The following NOL4L variants were observed in gnomAD, a reference collection of about 807,000 sequenced individuals.
NOL4L encodes the protein nucleolar protein 4 like, also known as nucleolar protein 4-like.
Under a neutral mutation model 64.5 loss-of-function variants are expected in NOL4L, and 7 were observed. The observed-to-expected ratio is 0.11, with a 90% CI of 0.06 to 0.20. The LOEUF is 0.20. Ranked by LOEUF, NOL4L falls within the 10% of genes least tolerant of loss-of-function variation. NOL4L has a pLI of 1.00. For synonymous variants in NOL4L, 413 were observed against 401.0 expected, an observed-to-expected ratio of 1.03 and a Z score of -0.36; for missense variants, 680 against 967.1, an observed-to-expected ratio of 0.70 and a Z score of 3.94.
chr20:32,483,443 A>AGCT (rs911879376), intron 4 of NOL4L: 369 of 990,496 alleles, frequency 3.7e-4, no homozygotes, highest in Admixed American at 9.8e-4. Context: ...CCACAGCTCC[A>AGCT]GCTGCTGCTG....
At chr20:32,472,347 G>A (rs1222496238) in intron 5 of NOL4L, among the ~76,000 whole-genome samples, 3 of 152,224 alleles carry the variant, frequency 2.0e-5, no homozygotes, top group Non-Finnish European at 4.4e-5. Context: ...GAAGGCCAGA[G>A]CCCACACACC....
At chr20:32,466,259 C>T (rs550543619) in intron 5 of NOL4L, among the ~76,000 whole-genome samples, 1 of 152,290 alleles carries the variant, frequency 6.6e-6, no homozygotes, top group Non-Finnish European at 1.5e-5. Context: ...TGAGCCACCA[C>T]GCCTGGTTCA....
At chr20:32,545,657 G>T (rs529140213) in intron 1 of NOL4L, among the ~76,000 whole-genome samples, 1 of 152,106 alleles carries the variant, frequency 6.6e-6, no homozygotes, top group Non-Finnish European at 1.5e-5. Context: ...AGGCATCCTT[G>T]ACTGCTCACT....
chr20:32,510,957 A>C (rs914447324), intron 4 of NOL4L, among the ~76,000 whole-genome samples: 1 of 152,090 alleles, frequency 6.6e-6, no homozygotes, highest in Non-Finnish European at 1.5e-5. Context: ...GACAGAGGCC[A>C]CAGGCAGGCG....
intron 2 of NOL4L, among the ~76,000 whole-genome samples, chr20:32,521,519 C>A (rs1011748947): frequency 3.3e-5 from 5 of 152,150 alleles, no homozygotes; most frequent in Admixed American, 6.5e-5. Context: ...TCCCCAAGGT[C>A]ACAAGGAATT....
At chr20:32,500,316 T>G (rs964432078) in intron 4 of NOL4L, among the ~76,000 whole-genome samples, 14 of 151,812 alleles carry the variant, frequency 9.2e-5, no homozygotes, top group African/African-American at 3.4e-4. Context: ...TCCCAAAGTG[T>G]TGGGATAATG....
chr20:32,472,475 C>T (rs762776783), intron 5 of NOL4L, among the ~76,000 whole-genome samples: 4 of 152,206 alleles, frequency 2.6e-5, no homozygotes, highest in Non-Finnish European at 5.9e-5. Flanking sequence ...CCTGCCTAGT[C>T]CTGCGTCAAT....
At chr20:32,562,970 T>G (rs1307347629) in intron 1 of NOL4L, among the ~76,000 whole-genome samples, 2 of 8,308 alleles carry the variant, frequency 2.4e-4, no homozygotes, top group Non-Finnish European at 4.8e-4. Flanking sequence ...GGAGGGAGAG[T>G]GGAGGGGTGG....
At chr20:32,579,562 G>A (rs1032959993) in intron 1 of NOL4L, among the ~76,000 whole-genome samples, 12 of 151,904 alleles carry the variant, frequency 7.9e-5, no homozygotes, top group African/African-American at 2.7e-4. Context: ...GTGCAGGGAC[G>A]ACAAAGCAGC....
intron 3 of NOL4L, among the ~76,000 whole-genome samples, chr20:32,518,883 G>A (rs921822446): frequency 6.6e-6 from 1 of 152,246 alleles, no homozygotes; most frequent in Non-Finnish European, 1.5e-5. Context: ...GGCAGCCCAC[G>A]TGGGTGGCAG....
At position 32,452,326 on chromosome 20, in the gene NOL4L, C is replaced by T. The variant is rs767614583; in HGVS notation, c.1732G>A (p.Gly578Ser). ...CCGCGGTAACTGTAGTTGAGGCCGC[C>T]GTTGGCGTACACAGGGTCCTGGGAG... is the stretch of plus-strand genomic sequence containing the variant. ...SYSQDPVYAN[G>S]GLNYSYRGYG... Residue 578 changes from glycine (G) to serine (S), a missense_variant, in exon 10 of 11, where the codon GGC becomes AGC. By Grantham distance (56) the Gly-to-Ser change is moderately conservative (BLOSUM62 0). Transcript: ENST00000621426. The T allele has an allele frequency of 8.1e-6, 13 of 1,609,446 alleles. No individual in the cohort carries two copies. Among genetic ancestry groups the T allele is most frequent in the East Asian group, 2.2e-5 (1 of 44,610 alleles).
chr20:32,494,905 T>G (rs2016626865), intron 4 of NOL4L, among the ~76,000 whole-genome samples: 1 of 150,750 alleles, frequency 6.6e-6, no homozygotes, highest in Admixed American at 6.6e-5. Flanking sequence ...TCAACTGGGT[T>G]TGGGGGCCTG....
chr20:32,485,058 CAAAAAAAAAAAAAAAAAA>C lies in NOL4L; in HGVS notation c.700-10334_700-10317del, dbSNP rs57444583. The stretch of plus-strand genomic sequence containing the variant: ...TCGTGGAATTCTGTGGGGAAATTGC[CAAAAAAAAAAAAAAAAAA>C]AAAAAAAAAAACAACTAAAAAAAAA... On this transcript the variant is annotated intron_variant, in intron 4 of 10. Transcript: ENST00000621426. Among the ~76,000 whole-genome samples the C allele has an allele frequency of 2.2e-4, 4 of 17,816 alleles. No homozygotes were observed. In the Admixed American group the frequency reaches 3.1e-3, roughly 14 times the overall value. 11.7% of individuals were successfully genotyped at this position (17,816 alleles called of 152,430 possible).
At chr20:32,509,776 C>T in intron 4 of NOL4L, 3 of 1,299,736 alleles carry the variant, frequency 2.3e-6, no homozygotes, top group Non-Finnish European at 3.0e-6. Flanking sequence ...CTGACCACTA[C>T]TGGTTCTAGT....
intron 1 of NOL4L, among the ~76,000 whole-genome samples, chr20:32,583,990 G>A (rs1232654847): frequency 7.1e-6 from 1 of 140,446 alleles, no homozygotes; most frequent in African/African-American, 2.7e-5. Flanking sequence ...GCCCCTCCCC[G>A]GGCCAGCCCC....
At chr20:32,488,300 C>T (rs928813003) in intron 4 of NOL4L, among the ~76,000 whole-genome samples, 2 of 152,162 alleles carry the variant, frequency 1.3e-5, no homozygotes, top group Admixed American at 6.5e-5. Flanking sequence ...TGATGACCCT[C>T]ACCGCCCAGT....
chr20:32,570,389 G>A (rs1036732204), intron 1 of NOL4L, among the ~76,000 whole-genome samples: 2 of 152,180 alleles, frequency 1.3e-5, no homozygotes, highest in African/African-American at 4.8e-5. Flanking sequence ...TTCCCAATAA[G>A]GAACCCAAAG....
rs1266180104 is a variant in NOL4L at position 32,532,291 on chromosome 20, AC to A, written c.322-4379del. On this transcript the variant is annotated intron_variant, in intron 1 of 10. Coordinates refer to ENST00000621426, the MANE Select transcript of NOL4L (RefSeq NM_001256798.2). ...AGGGCCTGGAGCGACCAGAACTCAA[AC>A]CACGCAAGGGCTGCAGAGCCATACC... The A allele has an allele frequency of 1.6e-5, 15 of 939,382 alleles. No homozygotes were observed. In the African/African-American group the frequency reaches 2.1e-4, roughly 13 times the overall value. The allele number at this position is 939,382 out of a possible 1,614,324, so 58.2% of individuals were successfully genotyped here.
chr20:32,584,271 G>T (rs957624770), intron 1 of NOL4L, among the ~76,000 whole-genome samples: 5 of 151,222 alleles, frequency 3.3e-5, no homozygotes, highest in African/African-American at 9.7e-5. Context: ...CCTGCTGGCG[G>T]GGGGAGGGGA....
Sources: allele counts gnomAD v4.1 joint callset (sites outside exome capture counted in the v4.1 genomes callset), GRCh38; gene constraint gnomAD v4.1.1; transcripts MANE v1.5; gene names NCBI Gene and HGNC (gene_info 2026-07-23, HGNC 2026-07-21).